The following MYO3A variants were observed in gnomAD, a reference collection of about 807,000 sequenced individuals.
The protein encoded by MYO3A is myosin IIIA.
Under a neutral mutation model 192.7 loss-of-function variants are expected in MYO3A, and 180 were observed. The ratio of observed to expected loss-of-function variants is 0.93; its 90% CI spans 0.83 to 1.06. MYO3A has a LOEUF of 1.06. Among genes scored for constraint, MYO3A ranks in the 50% least tolerant of loss-of-function variants. The pLI is 0.00. For missense variants in MYO3A, 1,896 were observed against 1,905.0 expected (o/e 1.00, Z 0.09); for synonymous variants, 628 against 645.3 (o/e 0.97, Z 0.41).
intron 26 of MYO3A, among the ~76,000 whole-genome samples, chr10:26,157,761 T>C (rs568568941): frequency 1.3e-5 from 2 of 152,160 alleles, no homozygotes; most frequent in South Asian, 4.2e-4. Flanking sequence ...TACTGAGGAG[T>C]TGGAGAATCT....
intron 10 of MYO3A, among the ~76,000 whole-genome samples, chr10:26,036,951 G>C (rs1228328928): frequency 6.6e-6 from 1 of 152,172 alleles, no homozygotes; most frequent in Non-Finnish European, 1.5e-5. Context: ...CCTTTCCTCT[G>C]TGGTCATACA....
At chr10:26,024,752 C>G (rs1842464624) in intron 9 of MYO3A, among the ~76,000 whole-genome samples, 1 of 152,186 alleles carries the variant, frequency 6.6e-6, no homozygotes. Flanking sequence ...CACAGATCCT[C>G]AATGGAACTT....
chr10:26,109,283 A>G (rs1838013346), intron 17 of MYO3A, among the ~76,000 whole-genome samples: 1 of 152,266 alleles, frequency 6.6e-6, no homozygotes, highest in Non-Finnish European at 1.5e-5. Flanking sequence ...TTTAGAGTAC[A>G]GTACTACCCT....
At chr10:26,097,161 A>G (rs1428066195) in intron 17 of MYO3A, among the ~76,000 whole-genome samples, 1 of 151,998 alleles carries the variant, frequency 6.6e-6, no homozygotes, top group Non-Finnish European at 1.5e-5. Context: ...TTTTCACCCC[A>G]AAAAGAAATA....
intron 4 of MYO3A, among the ~76,000 whole-genome samples, chr10:25,994,158 G>T (rs924943187): frequency 1.1e-3 from 160 of 152,108 alleles, no homozygotes; most frequent in Non-Finnish European, 1.0e-3. Context: ...AAGTCTCTTT[G>T]TAGGTCTCTA....
intron 21 of MYO3A, among the ~76,000 whole-genome samples, chr10:26,143,833 T>G (rs1840306541): frequency 6.6e-6 from 1 of 152,222 alleles, no homozygotes; most frequent in Admixed American, 6.6e-5. Context: ...TTCTCCTTAT[T>G]TTGTGGTGAA....
rs1263973434 is a variant in MYO3A at position 25,954,889 on chromosome 10, A to G, written c.184A>G (p.Ile62Val). The G allele has an allele frequency of 6.2e-7, 1 of 1,612,338 alleles. No homozygotes were observed. Among genetic ancestry groups the G allele is most frequent in the African/African-American group, 1.3e-5 (1 of 74,852 alleles). ...LDPIHDIDEE[I>V]EAEYNILKAL... ...TTGAAACTAGGATATTGACGAAGAG[A>G]TTGAAGCAGAATATAACATCTTAAA... is the stretch of plus-strand genomic sequence containing the variant. The change falls in exon 4 of 35, where the codon ATT (isoleucine) becomes GTT (valine). Residue 62 changes from isoleucine to valine, a missense_variant. Physicochemically the swap from Ile to Val is conservative, Grantham distance 29. Transcript: ENST00000642920.
intron 14 of MYO3A, among the ~76,000 whole-genome samples, chr10:26,079,986 A>G (rs1194700698): frequency 6.6e-6 from 1 of 152,148 alleles, no homozygotes; most frequent in Non-Finnish European, 1.5e-5. Flanking sequence ...TAACCTGATG[A>G]GATGAGAGTG....
chr10:26,018,517 G>A (rs1414168759), intron 7 of MYO3A, among the ~76,000 whole-genome samples: 6 of 152,136 alleles, frequency 3.9e-5, no homozygotes, highest in Non-Finnish European at 5.9e-5. Context: ...CAGGAGGCAA[G>A]GTTGTTCAAA....
chr10:26,130,017 G>A (rs1454717581), intron 20 of MYO3A, among the ~76,000 whole-genome samples: 1 of 151,998 alleles, frequency 6.6e-6, no homozygotes, highest in Admixed American at 6.5e-5. Context: ...TCTTTTGGTG[G>A]TTGGGTAGAC....
At chr10:26,158,373 C>T (rs921096203) in intron 26 of MYO3A, among the ~76,000 whole-genome samples, 6 of 151,958 alleles carry the variant, frequency 3.9e-5, no homozygotes, top group African/African-American at 1.5e-4. Flanking sequence ...CTGCCTCAGC[C>T]TCCCGACTAG....
intron 6 of MYO3A, among the ~76,000 whole-genome samples, chr10:25,998,317 T>A (rs1033477910): frequency 6.6e-5 from 10 of 152,210 alleles, no homozygotes; most frequent in Admixed American, 6.5e-4. Context: ...TATCTAAGTA[T>A]TTTGGCTTAG....
intron 34 of MYO3A, among the ~76,000 whole-genome samples, chr10:26,205,033 T>A (rs1235497566): frequency 2.6e-5 from 4 of 152,256 alleles, no homozygotes; most frequent in Non-Finnish European, 5.9e-5. Flanking sequence ...AATATCTTTT[T>A]GTGTATATAC....
chr10:26,128,425 G>A lies in MYO3A; in HGVS notation c.2149G>A (p.Asp717Asn), dbSNP rs892026957. The stretch of plus-strand genomic sequence containing the variant: ...TGATGAGCTGAGCATTGGCATTCTT[G>A]ATATATTTGGCTTTGAAAATTTCAA... ...NGDELSIGIL[D>N]IFGFENFKKN... The change falls in exon 20 of 35, where the codon GAT becomes AAT. Residue 717 changes from aspartate to asparagine, a missense_variant. Coordinates refer to ENST00000642920, the MANE Select transcript of MYO3A (RefSeq NM_017433.5). 6.2e-7 allele frequency: 1 copy of A among 1,613,054 alleles called. No individual in the cohort carries two copies. Among genetic ancestry groups the A allele is most frequent in the South Asian group, 1.1e-5 (1 of 91,038 alleles).
At chr10:26,042,758 T>C (rs1400162277) in intron 10 of MYO3A, among the ~76,000 whole-genome samples, 3 of 152,236 alleles carry the variant, frequency 2.0e-5, no homozygotes, top group African/African-American at 7.2e-5. Flanking sequence ...ACAACTATTT[T>C]GAATTCTTTG....
intron 32 of MYO3A, among the ~76,000 whole-genome samples, chr10:26,197,341 G>A (rs1181359024): frequency 6.6e-6 from 1 of 152,146 alleles, no homozygotes; most frequent in Non-Finnish European, 1.5e-5. Flanking sequence ...TATTTCCTGA[G>A]GAAGGAACTC....
At chr10:26,105,219 C>T (rs533577487) in intron 17 of MYO3A, among the ~76,000 whole-genome samples, 12 of 152,140 alleles carry the variant, frequency 7.9e-5, no homozygotes, top group South Asian at 2.1e-4. Flanking sequence ...GAATAGGTTC[C>T]GTTCCTAGTA....
intron 1 of MYO3A, among the ~76,000 whole-genome samples, chr10:25,935,198 G>C (rs898053872): frequency 6.6e-6 from 1 of 152,204 alleles, no homozygotes; most frequent in Non-Finnish European, 1.5e-5. Flanking sequence ...GACAAGAAAA[G>C]TATGATCATT....
At chr10:26,195,913 T>C (rs573739932) in intron 32 of MYO3A, among the ~76,000 whole-genome samples, 2 of 152,352 alleles carry the variant, frequency 1.3e-5, no homozygotes, top group South Asian at 4.1e-4. Flanking sequence ...GTTTGCCTAT[T>C]GCATTCAACC....
Sources: gnomAD v4.1 joint callset for allele counts (sites outside exome capture counted in the v4.1 genomes callset) on GRCh38, gnomAD v4.1.1 for gene constraint, MANE v1.5 for transcripts, NCBI Gene and HGNC (gene_info 2026-07-23, HGNC 2026-07-21) for gene names.